The following BID variants were observed in gnomAD, a reference collection of about 807,000 sequenced individuals.
BID encodes the protein BH3 interacting domain death agonist, also known as BH3-interacting domain death agonist.
A neutral mutation model predicts 17.4 loss-of-function variants in BID; 19 were observed. The observed-to-expected ratio is 1.09, with a 90% confidence interval of 0.76 to 1.60. BID has a LOEUF of 1.60. Ranked by LOEUF, BID falls within the 40% of genes most tolerant of loss-of-function variation. BID has a pLI of 0.00. For synonymous variants in BID, 108 were observed against 102.8 expected (o/e 1.05, Z -0.31); for missense variants, 226 against 256.0 (o/e 0.88, Z 0.80).
intron 1 of BID, among the ~76,000 whole-genome samples, chr22:17,761,764 A>T (rs1252922889): frequency 6.6e-6 from 1 of 152,164 alleles, no homozygotes; most frequent in Non-Finnish European, 1.5e-5. Flanking sequence ...CAAAGGCATT[A>T]ATGAGTAAAC....
In BID at chr22:17,748,038, G is replaced by A. The variant is rs1372857162; in HGVS notation, c.12+2067C>T. Reference sequence around the variant, plus strand: ...ATCCTGGCTAACACGGTGAAACCCCGTCTTTACTAAAATATAAAAAATTAG... The same window carrying A: ...ATCCTGGCTAACACGGTGAAACCCCATCTTTACTAAAATATAAAAAATTAG... On this transcript the variant is annotated intron_variant, in intron 2 of 5. Coordinates refer to ENST00000622694, the MANE Select transcript of BID (RefSeq NM_001196.4). Among the ~76,000 whole-genome samples the A allele has an allele frequency of 4.0e-5, 6 of 151,206 alleles. 1 individual carries two copies. Among genetic ancestry groups the A allele is most frequent in the East Asian group, 3.9e-4 (2 of 5,116 alleles).
chr22:17,740,166 G>A, intron 3 of BID: 1 of 1,611,924 alleles, frequency 6.2e-7, no homozygotes, highest in Non-Finnish European at 8.5e-7. Context: ...CTGTGTTATT[G>A]TCTGACGCCC....
intron 1 of BID, among the ~76,000 whole-genome samples, chr22:17,768,570 ACT>A (rs1349197551): frequency 6.6e-6 from 1 of 151,900 alleles, no homozygotes; most frequent in Non-Finnish European, 1.5e-5. Context: ...CTCTCTGTAG[ACT>A]CTGTCATAAA....
At chr22:17,767,752 C>T (rs1323762185) in intron 1 of BID, among the ~76,000 whole-genome samples, 6 of 152,108 alleles carry the variant, frequency 3.9e-5, no homozygotes, top group African/African-American at 1.2e-4. Context: ...AACAGAGACA[C>T]GGAGAGAAAA....
chr22:17,739,951 A>T (rs2061447239), intron 3 of BID: 2 of 965,802 alleles, frequency 2.1e-6, no homozygotes, highest in Non-Finnish European at 3.1e-6. Context: ...CGTCTCAGGA[A>T]AACCCCAGTT....
At chr22:17,744,519 T>G (rs2061482975) in intron 2 of BID, among the ~76,000 whole-genome samples, 1 of 152,248 alleles carries the variant, frequency 6.6e-6, no homozygotes, top group African/African-American at 2.4e-5. Context: ...ATGGAAGATT[T>G]TCAGTAACTA....
chr22:17,759,764 T>C (rs986418151), intron 1 of BID, among the ~76,000 whole-genome samples: 4 of 152,110 alleles, frequency 2.6e-5, no homozygotes, highest in Non-Finnish European at 5.9e-5. Context: ...GGACAGATTC[T>C]TACTGAACCT....
intron 5 of BID, among the ~76,000 whole-genome samples, chr22:17,737,409 C>T (rs1175391392): frequency 6.6e-6 from 1 of 151,646 alleles, no homozygotes; most frequent in African/African-American, 2.4e-5. Flanking sequence ...TGCAGTGGTG[C>T]GATCTCAGTT....
chr22:17,773,717 C>T lies in BID; in HGVS notation c.-59+664G>A, dbSNP rs554081859. On this transcript the variant is annotated intron_variant, in intron 1 of 5. Transcript: ENST00000622694. The surrounding 1 kb of genome is among the most constrained non-coding windows in gnomAD (Gnocchi z 4.4). ...GTATTTGTTGAATGAATGAATGAAC[C>T]CTTGCCAGCCCAGCCACTTGGTGGC... The T allele has an allele frequency of 1.1e-5, 17 of 1,600,084 alleles. No individual in the cohort carries two copies. The South Asian group carries it at 1.7e-4, about 16-fold the overall frequency.
At chr22:17,754,660 A>G (rs2061568197) in intron 1 of BID, among the ~76,000 whole-genome samples, 4 of 152,254 alleles carry the variant, frequency 2.6e-5, no homozygotes, top group South Asian at 4.1e-4. Flanking sequence ...AGATATCTGC[A>G]GGGCAGTCCT....
chr22:17,762,421 A>G (rs2061646085), intron 1 of BID, among the ~76,000 whole-genome samples: 1 of 152,150 alleles, frequency 6.6e-6, no homozygotes, highest in Non-Finnish European at 1.5e-5. Context: ...GCTTGAACCC[A>G]GAAGGCAGAG....
intron 4 of BID, 60 bp from the exon 5 acceptor site, chr22:17,738,289 C>G (rs1277964131): frequency 6.7e-7 from 1 of 1,488,390 alleles, no homozygotes; most frequent in African/African-American, 1.4e-5. Context: ...AAAGGAAAGA[C>G]AGTCCCCAGT....
chr22:17,741,159 T>C (rs1319195978), intron 3 of BID: 2 of 152,288 alleles, frequency 1.3e-5, no homozygotes, highest in East Asian at 1.9e-4. Flanking sequence ...TTAGCTCTCA[T>C]CTGATGATGA....
chr22:17,757,714 A>G (rs1202794943), intron 1 of BID, among the ~76,000 whole-genome samples: 1 of 151,784 alleles, frequency 6.6e-6, no homozygotes, highest in Non-Finnish European at 1.5e-5. Flanking sequence ...GTCTCAAAAA[A>G]AAAAAAAAAA....
At chr22:17,761,268 C>T (rs890695997) in intron 1 of BID, among the ~76,000 whole-genome samples, 6 of 152,136 alleles carry the variant, frequency 3.9e-5, no homozygotes, top group African/African-American at 1.4e-4. Flanking sequence ...ATTAACAAAA[C>T]AAACCTGATG....
intron 1 of BID, among the ~76,000 whole-genome samples, chr22:17,752,898 C>A (rs1358922467): frequency 6.6e-6 from 1 of 151,018 alleles, no homozygotes; most frequent in African/African-American, 2.4e-5. Context: ...ATCTCCTGAC[C>A]TCGTGATCCG....
Position 17,769,578 on chromosome 22 carries a change from G to A in BID, c.-59+4803C>T, listed in dbSNP as rs1402884378. On this transcript the variant is annotated intron_variant, in intron 1 of 5. Coordinates refer to ENST00000622694, the MANE Select transcript of BID (RefSeq NM_001196.4). The surrounding 1 kb of genome is among the most constrained non-coding windows in gnomAD (Gnocchi z 4.8). ...GTGCTGTCATCCAGAGTGCCACCCCGCTTTTCCAGGGCACAGCAAGGAAGT... is the reference window on the plus strand; with the variant it reads ...GTGCTGTCATCCAGAGTGCCACCCCACTTTTCCAGGGCACAGCAAGGAAGT... 2.6e-5 allele frequency among the ~76,000 whole-genome samples: 4 copies of A among 152,332 alleles called. No individual in the cohort carries two copies. The highest frequency in any genetic ancestry group is 3.9e-4 in the East Asian group (2 of 5,176).
At chr22:17,735,984 A>C (rs538227990) in intron 5 of BID, among the ~76,000 whole-genome samples, 2 of 152,262 alleles carry the variant, frequency 1.3e-5, no homozygotes, top group East Asian at 3.9e-4. Flanking sequence ...CCTCCTTCCA[A>C]CAATTCAGCT....
chr22:17,738,546 G>A (rs5992808), intron 4 of BID, among the ~76,000 whole-genome samples: 18,035 of 152,170 alleles, frequency 0.12, 1,178 homozygotes, highest in Non-Finnish European at 0.14. Context: ...CACCTGCGAC[G>A]CCTTAGGCCC....
Sources: gnomAD v4.1 joint callset for allele counts (sites outside exome capture counted in the v4.1 genomes callset) on GRCh38, gnomAD v4.1.1 for gene constraint, Gnocchi (gnomAD v3.1) non-coding constraint, MANE v1.5 for transcripts, NCBI Gene and HGNC (gene_info 2026-07-23, HGNC 2026-07-21) for gene names.